COPG2: variants seen among roughly 807,000 people sequenced by gnomAD.
COPG2 encodes the protein coatomer subunit gamma-2.
COPG2 carries 37 observed loss-of-function variants against 46.3 expected under a neutral mutation model. The observed-to-expected ratio is 0.80, with a 90% confidence interval of 0.61 to 1.05. COPG2 has a LOEUF of 1.05. Among genes scored for constraint, COPG2 ranks in the 50% least tolerant of loss-of-function variants. The pLI, the probability that COPG2 is intolerant of heterozygous loss-of-function variation, is 0.00. For synonymous variants in COPG2, 159 were observed against 129.7 expected (o/e 1.23, Z -1.53); for missense variants, 427 against 387.8 (o/e 1.10, Z -0.85).
chr7:130,509,452 AC>A lies in COPG2; in HGVS notation c.2150-794del, dbSNP rs1390251959. On this transcript the variant is annotated intron_variant, in intron 20 of 23. Transcript: ENST00000425248. ...TATGGTCTGGAAAAAGCTTATAGGT[AC>A]AAAAAATATTAGATATTGGGAGAGT... 37 of 380,938 alleles carry A rather than the reference AC, an allele frequency of 9.7e-5. No individual in the cohort carries two copies. The East Asian group carries it at 2.4e-3, about 25-fold the overall frequency. 23.6% of individuals were successfully genotyped at this position (380,938 alleles called of 1,614,324 possible). A position where few individuals can be genotyped will look rare whatever the true frequency, so the allele number is the denominator to read the frequency against.
chr7:130,637,345 C>T (rs1186975793), intron 5 of COPG2, among the ~76,000 whole-genome samples: 1 of 152,212 alleles, frequency 6.6e-6, no homozygotes, highest in Non-Finnish European at 1.5e-5. Flanking sequence ...TTCTCCCCAT[C>T]ACTTTCAGGT....
At chr7:130,573,476 A>G (rs1247893059) in intron 9 of COPG2, among the ~76,000 whole-genome samples, 1 of 152,090 alleles carries the variant, frequency 6.6e-6, no homozygotes, top group African/African-American at 2.4e-5. Flanking sequence ...AGTAATATGT[A>G]AAAAGAATTA....
intron 4 of COPG2, among the ~76,000 whole-genome samples, chr7:130,653,530 T>C (rs1459183461): frequency 6.6e-6 from 1 of 152,214 alleles, no homozygotes; most frequent in African/African-American, 2.4e-5. Flanking sequence ...TGTTTCCTCC[T>C]GAACCCTAAA....
Position 130,617,417 on chromosome 7 carries a change from G to T in COPG2, c.324-352C>A, listed in dbSNP as rs555498656. 2.0e-5 allele frequency among the ~76,000 whole-genome samples: 3 copies of T among 152,172 alleles called. No homozygotes were observed. The East Asian group carries it at 5.8e-4, about 29-fold the overall frequency. ...TAAACTAAGGACAATGGTATAAAGC[G>T]TCCTAGTCTGACATACCCCCAAATC... On this transcript the variant is annotated intron_variant, in intron 5 of 23. Coordinates refer to ENST00000425248, the MANE Select transcript of COPG2 (RefSeq NM_012133.6).
chr7:130,536,845 G>A (rs1363660582), intron 20 of COPG2, among the ~76,000 whole-genome samples: 3 of 152,328 alleles, frequency 2.0e-5, no homozygotes, highest in Non-Finnish European at 4.4e-5. Context: ...CAAGATAGGG[G>A]CCCAGTGACA....
At chr7:130,622,295 T>G (rs1017119712) in intron 5 of COPG2, among the ~76,000 whole-genome samples, 3 of 151,996 alleles carry the variant, frequency 2.0e-5, no homozygotes, top group Admixed American at 2.0e-4. Context: ...GAGTATTAAT[T>G]CCCCCATACT....
intron 9 of COPG2, among the ~76,000 whole-genome samples, chr7:130,593,571 C>G (rs1794472095): frequency 6.6e-6 from 1 of 151,996 alleles, no homozygotes; most frequent in Admixed American, 6.6e-5. Context: ...GGCACATAAA[C>G]AGAAATAAAA....
chr7:130,645,278 C>A lies in COPG2; in HGVS notation c.323+7591G>T, dbSNP rs1480081336. The A allele has an allele frequency of 7.9e-6, 5 of 631,370 alleles. 1 individual carries two copies. Among genetic ancestry groups the A allele is most frequent in the African/African-American group, 3.7e-5 (2 of 54,374 alleles). 39.1% of individuals were successfully genotyped at this position (631,370 alleles called of 1,614,324 possible). A position where few individuals can be genotyped will look rare whatever the true frequency, so the allele number is the denominator to read the frequency against. ...TGGCAAAGAGATATTACCTGGGGGGCCACAAAATACTCCTTCACGACGCAA... is the reference window on the plus strand; with the variant it reads ...TGGCAAAGAGATATTACCTGGGGGGACACAAAATACTCCTTCACGACGCAA... On this transcript the variant is annotated intron_variant, in intron 5 of 23. Transcript: ENST00000425248.
chr7:130,559,251 A>G (rs1793679917), intron 12 of COPG2, among the ~76,000 whole-genome samples: 1 of 152,162 alleles, frequency 6.6e-6, no homozygotes, highest in Non-Finnish European at 1.5e-5. Context: ...TACCCAACCC[A>G]TTGCAGCTTC....
chr7:130,521,950 C>T (rs1337631210), intron 20 of COPG2, among the ~76,000 whole-genome samples: 2 of 152,016 alleles, frequency 1.3e-5, no homozygotes, highest in African/African-American at 4.8e-5. Flanking sequence ...TGGAGAGGCA[C>T]CGTAGATTGA....
chr7:130,557,863 A>G (rs1264178150), intron 12 of COPG2, among the ~76,000 whole-genome samples: 2 of 140,696 alleles, frequency 1.4e-5, no homozygotes, highest in Non-Finnish European at 3.1e-5. Flanking sequence ...CCAGGAAAAC[A>G]ATGAAAATAA....
intron 5 of COPG2, among the ~76,000 whole-genome samples, chr7:130,626,619 T>C (rs1795126137): frequency 1.3e-5 from 2 of 152,086 alleles, no homozygotes; most frequent in African/African-American, 4.8e-5. Flanking sequence ...CTCATGTTTA[T>C]TCTCCAAAAT....
intron 5 of COPG2, chr7:130,645,304 T>C (rs529288945): frequency 1.3e-4 from 77 of 603,650 alleles, no homozygotes; most frequent in Admixed American, 1.0e-3. Flanking sequence ...CACGACGCAA[T>C]GGGAGTTTTG....
Position 130,610,858 on chromosome 7 carries a change from G to A in COPG2, c.737+95C>T. ...AACATTGAACTCATCTGTAAAGTTA[G>A]CACTGCCCCAAAAAAAATTCAAAAA... is the stretch of plus-strand genomic sequence containing the variant. On this transcript the variant is annotated intron_variant, in intron 9 of 23. Transcript: ENST00000425248. 3 of 1,200,714 alleles carry A rather than the reference G, an allele frequency of 2.5e-6. No homozygotes were observed. In the South Asian group the frequency reaches 3.6e-5, roughly 15 times the overall value. 74.4% of individuals were successfully genotyped at this position (1,200,714 alleles called of 1,614,324 possible).
chr7:130,621,494 T>C (rs1464745871), intron 5 of COPG2, among the ~76,000 whole-genome samples: 6 of 152,132 alleles, frequency 3.9e-5, no homozygotes, highest in Non-Finnish European at 8.8e-5. Flanking sequence ...CATTAAGAAA[T>C]AGTGTGGCTG....
chr7:130,557,019 AT>A (rs1471191647), intron 12 of COPG2, among the ~76,000 whole-genome samples: 1 of 152,226 alleles, frequency 6.6e-6, no homozygotes, highest in East Asian at 1.9e-4. Flanking sequence ...AGCCAATGCA[AT>A]TAGATAAGGG....
At chr7:130,534,046 G>A (rs980595052) in intron 20 of COPG2, among the ~76,000 whole-genome samples, 7 of 151,896 alleles carry the variant, frequency 4.6e-5, no homozygotes, top group Admixed American at 2.6e-4. Context: ...ACAGGAAGAT[G>A]GAACAAAGAA....
intron 20 of COPG2, among the ~76,000 whole-genome samples, chr7:130,519,896 T>C (rs1563035456): frequency 2.0e-5 from 3 of 152,300 alleles, no homozygotes; most frequent in African/African-American, 4.8e-5. Flanking sequence ...TGAAAAAGAA[T>C]AGAAGTTGGA....
At chr7:130,629,300 A>G (rs1287939574) in intron 5 of COPG2, among the ~76,000 whole-genome samples, 1 of 151,348 alleles carries the variant, frequency 6.6e-6, no homozygotes, top group Admixed American at 6.6e-5. Context: ...CTGGACATGC[A>G]TTTTGTTGTC....
Sources: allele counts gnomAD v4.1 joint callset (sites outside exome capture counted in the v4.1 genomes callset), GRCh38; gene constraint gnomAD v4.1.1; transcripts MANE v1.5; gene names NCBI Gene and HGNC (gene_info 2026-07-23, HGNC 2026-07-21).